NUDCD1: variants seen among roughly 807,000 people sequenced by gnomAD.
The protein encoded by NUDCD1 is nudC domain-containing protein 1.
NUDCD1 carries 60 observed loss-of-function variants against 67.8 expected under a neutral mutation model. The ratio of observed to expected loss-of-function variants is 0.88; its 90% CI spans 0.72 to 1.10. The LOEUF (loss-of-function observed/expected upper bound fraction) is 1.10. NUDCD1 is among the 50% of genes least tolerant of loss of function. The pLI, the probability that NUDCD1 is intolerant of heterozygous loss-of-function variation, is 0.00. For synonymous variants in NUDCD1, 244 were observed against 230.8 expected, an observed-to-expected ratio of 1.06 and a Z score of -0.52; for missense variants, 643 against 695.0, an observed-to-expected ratio of 0.93 and a Z score of 0.84.
intron 2 of NUDCD1, among the ~76,000 whole-genome samples, chr8:109,304,173 C>G (rs1052381868): frequency 6.6e-6 from 1 of 152,146 alleles, no homozygotes; most frequent in Non-Finnish European, 1.5e-5. Flanking sequence ...AGCTGAAGTG[C>G]AGGGGTGTGT....
At chr8:109,313,491 G>A (rs929520540) in intron 2 of NUDCD1, among the ~76,000 whole-genome samples, 8 of 152,214 alleles carry the variant, frequency 5.3e-5, no homozygotes, top group Non-Finnish European at 1.0e-4. Context: ...CTGAAGTGTA[G>A]TGGTCGGGGA....
intron 2 of NUDCD1, among the ~76,000 whole-genome samples, chr8:109,319,881 C>T (rs1027003984): frequency 6.6e-6 from 1 of 152,070 alleles, no homozygotes; most frequent in Non-Finnish European, 1.5e-5. Context: ...GGACAGAGTA[C>T]AAAAGAGAGA....
chr8:109,281,242 CTA>C (rs1230257026), intron 5 of NUDCD1, 70 bp from the exon 6 acceptor site: 14 of 978,668 alleles, frequency 1.4e-5, no homozygotes, highest in African/African-American at 4.9e-5. Flanking sequence ...CAAAACCTAT[CTA>C]AAAGAATTTT....
Position 109,333,932 on chromosome 8 carries a change from G to C in NUDCD1, c.79C>G (p.Leu27Val). The C allele has an allele frequency of 6.2e-7, 1 of 1,614,194 alleles. No individual in the cohort carries two copies. The highest frequency in any genetic ancestry group is 8.5e-7 in the Non-Finnish European group (1 of 1,180,006). The change falls in exon 1 of 10, where the codon CTT becomes GTT. Residue 27 changes from leucine (L) to valine (V), a missense_variant. Coordinates refer to ENST00000239690, the MANE Select transcript of NUDCD1 (RefSeq NM_032869.4). ...AGCTGGTAACAAGGCAGCGGCTCAA[G>C]AGAGAGCTTGTAACCCTCGAAGCGG... Reference protein sequence around the residue: ...DPRFEGYKLSLEPLPCYQLEL... With the variant: ...DPRFEGYKLSVEPLPCYQLEL...
chr8:109,308,894 C>T lies in NUDCD1; in HGVS notation c.274-12325G>A, dbSNP rs531129204. On this transcript the variant is annotated intron_variant, in intron 2 of 9. Coordinates refer to ENST00000239690, the MANE Select transcript of NUDCD1 (RefSeq NM_032869.4). ...GACTGAGGCAGGAGAATGGCATGAA[C>T]CCAGGAGGCAGAGCTTGCAGTGAGC... Among the ~76,000 whole-genome samples, 4 of 151,434 alleles carry T rather than the reference C, an allele frequency of 2.6e-5. No individual in the cohort carries two copies. In the South Asian group the frequency reaches 6.3e-4, roughly 24 times the overall value.
At chr8:109,310,060 T>C (rs752172054) in intron 2 of NUDCD1, among the ~76,000 whole-genome samples, 9 of 151,792 alleles carry the variant, frequency 5.9e-5, no homozygotes, top group Non-Finnish European at 1.0e-4. Context: ...CCAAAAACAA[T>C]CTACAAATTC....
chr8:109,259,424 C>A (rs1158628252), intron 8 of NUDCD1, among the ~76,000 whole-genome samples: 1 of 152,078 alleles, frequency 6.6e-6, no homozygotes. Context: ...TGTTAGCTTG[C>A]AAGTAGGCTA....
chr8:109,252,956 C>CTT (rs1172104912), intron 8 of NUDCD1, among the ~76,000 whole-genome samples: 3 of 152,146 alleles, frequency 2.0e-5, no homozygotes, highest in Non-Finnish European at 2.9e-5. Context: ...AGGATTTCAA[C>CTT]TTATAATCAA....
chr8:109,296,009 A>C (rs908693409), intron 3 of NUDCD1, among the ~76,000 whole-genome samples: 2 of 152,166 alleles, frequency 1.3e-5, no homozygotes, highest in Non-Finnish European at 2.9e-5. Context: ...GACCAATGTA[A>C]ACATCCCAGC....
At chr8:109,284,007 A>C (rs1461605350) in intron 5 of NUDCD1, among the ~76,000 whole-genome samples, 24 of 142,846 alleles carry the variant, frequency 1.7e-4, no homozygotes, top group South Asian at 6.3e-4. Flanking sequence ...AAAAAAAAAA[A>C]CAAAACAAAA....
At chr8:109,321,320 G>T (rs1211544437) in intron 2 of NUDCD1, among the ~76,000 whole-genome samples, 2 of 152,160 alleles carry the variant, frequency 1.3e-5, no homozygotes, top group African/African-American at 4.8e-5. Context: ...CAAACAATGA[G>T]AGGGTAAGTG....
At chr8:109,328,760 T>C (rs1815738385) in intron 1 of NUDCD1, among the ~76,000 whole-genome samples, 1 of 152,000 alleles carries the variant, frequency 6.6e-6, no homozygotes, top group Admixed American at 6.6e-5. Context: ...TCCAAGTAAC[T>C]CAACTATATC....
chr8:109,265,799 C>T (rs944620561), intron 8 of NUDCD1, among the ~76,000 whole-genome samples: 8 of 152,064 alleles, frequency 5.3e-5, no homozygotes, highest in African/African-American at 1.7e-4. Flanking sequence ...TTCACAATAA[C>T]GCCATTTTGA....
At chr8:109,256,516 T>C (rs1031965248) in intron 8 of NUDCD1, among the ~76,000 whole-genome samples, 1 of 152,164 alleles carries the variant, frequency 6.6e-6, no homozygotes, top group Admixed American at 6.5e-5. Context: ...TTGTAGACCA[T>C]GGTAAGGACA....
At chr8:109,261,719 T>C (rs1466375184) in intron 8 of NUDCD1, among the ~76,000 whole-genome samples, 1 of 152,206 alleles carries the variant, frequency 6.6e-6, no homozygotes, top group African/African-American at 2.4e-5. Flanking sequence ...TTTACATTAA[T>C]GCTATTTAAA....
chr8:109,288,622 C>T (rs920528139), intron 5 of NUDCD1, among the ~76,000 whole-genome samples: 2 of 152,108 alleles, frequency 1.3e-5, no homozygotes, highest in South Asian at 2.1e-4. Context: ...TTATATATTA[C>T]ATTAATATTC....
chr8:109,270,079 G>GGTGGAT (rs1563665905), intron 8 of NUDCD1, among the ~76,000 whole-genome samples: 1 of 58,576 alleles, frequency 1.7e-5, no homozygotes, highest in African/African-American at 6.9e-5. Context: ...GGGGGGGGGG[G>GGTGGAT]GGGTGCCTTA....
At chr8:109,304,504 C>G (rs2130072440) in intron 2 of NUDCD1, among the ~76,000 whole-genome samples, 1 of 152,318 alleles carries the variant, frequency 6.6e-6, no homozygotes, top group South Asian at 2.1e-4. Context: ...CACTACCTCT[C>G]AGCAAGCTGA....
chr8:109,332,830 C>T (rs1446334915), intron 1 of NUDCD1, among the ~76,000 whole-genome samples: 1 of 152,200 alleles, frequency 6.6e-6, no homozygotes, highest in Non-Finnish European at 1.5e-5. Context: ...TCATCCTAGT[C>T]AACTCTTAAC....
Sources: gnomAD v4.1 joint callset for allele counts (sites outside exome capture counted in the v4.1 genomes callset) on GRCh38, gnomAD v4.1.1 for gene constraint, MANE v1.5 for transcripts, NCBI Gene and HGNC (gene_info 2026-07-23, HGNC 2026-07-21) for gene names.